The following LIMCH1 variants were observed in gnomAD, a reference collection of about 807,000 sequenced individuals.
LIMCH1 encodes the protein LIM and calponin homology domains 1.
LIMCH1 carries 113 observed loss-of-function variants against 176.5 expected under a neutral mutation model. The observed-to-expected ratio is 0.64, with a 90% CI of 0.55 to 0.75. LIMCH1 has a LOEUF of 0.75. Among genes scored for constraint, LIMCH1 ranks in the 30% least tolerant of loss-of-function variants. The pLI is 0.00. For synonymous variants in LIMCH1, 619 were observed against 645.9 expected (o/e 0.96, Z 0.63); for missense variants, 1,674 against 1,814.9 (o/e 0.92, Z 1.41).
chr4:41,364,243 A>C (rs1254193167), intron 1 of LIMCH1, among the ~76,000 whole-genome samples: 1 of 152,174 alleles, frequency 6.6e-6, no homozygotes, highest in South Asian at 2.1e-4. Context: ...AAATGCTTAG[A>C]ACAGTGCCCA....
chr4:41,661,313 C>A, intron 18 of LIMCH1, 107 bp from the exon 19 acceptor site: 1 of 747,086 alleles, frequency 1.3e-6, no homozygotes, highest in Non-Finnish European at 2.3e-6. Context: ...AGAGGGAATT[C>A]ATATGGCCAA....
At chr4:41,530,794 TAA>T (rs386399906) in intron 3 of LIMCH1, among the ~76,000 whole-genome samples, 19 of 30,052 alleles carry the variant, frequency 6.3e-4, no homozygotes, top group African/African-American at 1.2e-3. Context: ...AAACCCCGCC[TAA>T]AAAAAAAAAA....
intron 2 of LIMCH1, among the ~76,000 whole-genome samples, chr4:41,523,249 G>A (rs952440639): frequency 9.2e-5 from 14 of 152,130 alleles, no homozygotes; most frequent in African/African-American, 3.4e-4. Flanking sequence ...TTTAACAGAG[G>A]TCAGCAAACT....
chr4:41,486,977 TACACACACAC>T (rs71927545), intron 1 of LIMCH1, among the ~76,000 whole-genome samples: 1 of 138,404 alleles, frequency 7.2e-6, no homozygotes, highest in Non-Finnish European at 1.6e-5. Flanking sequence ...CACACATACA[TACACACACAC>T]ACACACACAC....
intron 1 of LIMCH1, chr4:41,385,747 G>A (rs2056408311): frequency 6.6e-6 from 1 of 152,142 alleles, no homozygotes; most frequent in Non-Finnish European, 1.5e-5. Context: ...TTGATGCCCT[G>A]GGTGACTCTG....
chr4:41,689,905 A>T (rs1586028591), intron 30 of LIMCH1, among the ~76,000 whole-genome samples: 1 of 152,204 alleles, frequency 6.6e-6, no homozygotes, highest in African/African-American at 2.4e-5. Context: ...GAGGCTGAGA[A>T]TGGGATGCTG....
intron 1 of LIMCH1, among the ~76,000 whole-genome samples, chr4:41,374,007 C>A (rs1372185491): frequency 6.6e-6 from 1 of 152,164 alleles, no homozygotes; most frequent in Non-Finnish European, 1.5e-5. Flanking sequence ...TGTAAGTTTC[C>A]TGAGTCTCCC....
intron 1 of LIMCH1, among the ~76,000 whole-genome samples, chr4:41,450,798 C>G (rs865786853): frequency 2.0e-5 from 1 of 50,662 alleles, no homozygotes; most frequent in Non-Finnish European, 4.1e-5. Context: ...CTCTCTCTCT[C>G]AAAAAAAAAA....
intron 7 of LIMCH1, among the ~76,000 whole-genome samples, chr4:41,623,437 TG>T (rs1257621584): frequency 6.6e-6 from 1 of 152,204 alleles, no homozygotes; most frequent in Non-Finnish European, 1.5e-5. Context: ...GACTGTTTTT[TG>T]TTTGCTTGTT....
At chr4:41,593,975 A>T (rs58555585) in intron 1 of LIMCH1, among the ~76,000 whole-genome samples, 8,634 of 151,722 alleles carry the variant, frequency 0.057, 810 homozygotes, top group African/African-American at 0.2. Flanking sequence ...ATATATATAC[A>T]TGCATACTTT....
chr4:41,657,782 G>A (rs936688411), intron 18 of LIMCH1, among the ~76,000 whole-genome samples: 7 of 152,060 alleles, frequency 4.6e-5, no homozygotes, highest in South Asian at 2.1e-4. Flanking sequence ...GTATCTGGCC[G>A]CTAATTCCTC....
intron 2 of LIMCH1, among the ~76,000 whole-genome samples, chr4:41,498,875 C>CTT (rs369706179): frequency 1.4e-5 from 2 of 142,838 alleles, no homozygotes; most frequent in South Asian, 2.2e-4. Context: ...GGCCCTTGGC[C>CTT]TTTTTTTTTT....
At chr4:41,637,082 A>G (rs966801868) in intron 13 of LIMCH1, among the ~76,000 whole-genome samples, 3 of 152,234 alleles carry the variant, frequency 2.0e-5, no homozygotes, top group African/African-American at 7.2e-5. Context: ...GATAACTTAG[A>G]AAACACTGTG....
At chr4:41,544,293 G>A (rs1189323164) in intron 1 of LIMCH1, among the ~76,000 whole-genome samples, 3 of 152,200 alleles carry the variant, frequency 2.0e-5, no homozygotes, top group Non-Finnish European at 2.9e-5. Flanking sequence ...TTGAATCAAA[G>A]TGAATTTTCT....
intron 2 of LIMCH1, among the ~76,000 whole-genome samples, chr4:41,601,401 G>C (rs991649150): frequency 6.6e-6 from 1 of 152,174 alleles, no homozygotes. Context: ...AGCACTAACT[G>C]GGGGCTGAGA....
intron 1 of LIMCH1, among the ~76,000 whole-genome samples, chr4:41,432,720 G>A (rs924386498): frequency 6.6e-6 from 1 of 152,268 alleles, no homozygotes; most frequent in Non-Finnish European, 1.5e-5. Flanking sequence ...TGAATTATGA[G>A]GCTTACTTGG....
chr4:41,565,407 A>G (rs2082631772), intron 1 of LIMCH1, among the ~76,000 whole-genome samples: 1 of 150,962 alleles, frequency 6.6e-6, no homozygotes, highest in South Asian at 2.1e-4. Context: ...AGACACACAC[A>G]CACACACATA....
intron 8 of LIMCH1, among the ~76,000 whole-genome samples, chr4:41,628,481 C>T (rs760504162): frequency 2.6e-5 from 4 of 151,386 alleles, no homozygotes; most frequent in Non-Finnish European, 4.4e-5. Flanking sequence ...TGATCTCCTT[C>T]CTCAAACTAA....
At chr4:41,379,463 C>T (rs542051151) in intron 1 of LIMCH1, among the ~76,000 whole-genome samples, 75 of 152,324 alleles carry the variant, frequency 4.9e-4, no homozygotes, top group Non-Finnish European at 8.4e-4. Flanking sequence ...GCCAACTTAT[C>T]TGCCACTGTA....
Sources: gnomAD v4.1 joint callset for allele counts (sites outside exome capture counted in the v4.1 genomes callset) on GRCh38, gnomAD v4.1.1 for gene constraint, MANE v1.5 for transcripts, NCBI Gene and HGNC (gene_info 2026-07-23, HGNC 2026-07-21) for gene names.